SLC2A9: variants seen among roughly 807,000 people sequenced by gnomAD.
The protein encoded by SLC2A9 is solute carrier family 2 member 9, also known as solute carrier family 2, facilitated glucose transporter member 9.
A neutral mutation model predicts 50.6 loss-of-function variants in SLC2A9; 39 were observed. That is an observed-to-expected ratio of 0.77 (90% confidence interval 0.60 to 1.01). The LOEUF is 1.01. Ranked by LOEUF, SLC2A9 falls within the 50% of genes least tolerant of loss-of-function variation. The pLI, the probability that SLC2A9 is intolerant of heterozygous loss-of-function variation, is 0.00. For missense variants in SLC2A9, 686 were observed against 677.6 expected (o/e 1.01, Z -0.14); for synonymous variants, 324 against 276.9 (o/e 1.17, Z -1.69).
chr4:9,880,570 C>T, intron 10 of SLC2A9: 2 of 985,324 alleles, frequency 2.0e-6, no homozygotes, highest in Non-Finnish European at 2.4e-6. Flanking sequence ...GAAGGCTAAG[C>T]TTAGTGATTT....
chr4:9,810,547 C>T (rs758005741), intron 3 of SLC2A9, among the ~76,000 whole-genome samples: 2 of 152,214 alleles, frequency 1.3e-5, no homozygotes, highest in East Asian at 3.8e-4. Context: ...ACCTACTAGT[C>T]TCACGAGAGA....
intron 11 of SLC2A9, among the ~76,000 whole-genome samples, chr4:9,831,309 T>C (rs1354096122): frequency 6.6e-6 from 1 of 152,000 alleles, no homozygotes; most frequent in Non-Finnish European, 1.5e-5. Flanking sequence ...CCTAATCCAA[T>C]ATCCTGCTAT....
chr4:9,858,478 T>A (rs1429542612), intron 10 of SLC2A9, among the ~76,000 whole-genome samples: 1 of 152,210 alleles, frequency 6.6e-6, no homozygotes, highest in Non-Finnish European at 1.5e-5. Context: ...TTCTCCCTCA[T>A]AAAAGTCCTT....
chr4:9,905,838 G>T (rs1740563137), intron 8 of SLC2A9, among the ~76,000 whole-genome samples: 1 of 152,130 alleles, frequency 6.6e-6, no homozygotes, highest in Non-Finnish European at 1.5e-5. Context: ...GGTGTCGGTG[G>T]CAGGGACAGT....
At chr4:10,026,517 C>T (rs1763758727) in intron 1 of SLC2A9, among the ~76,000 whole-genome samples, 1 of 152,122 alleles carries the variant, frequency 6.6e-6, no homozygotes, top group Non-Finnish European at 1.5e-5. Flanking sequence ...CACATCGATG[C>T]CCAAGAGGAC....
At chr4:9,911,238 G>A (rs944838677) in intron 7 of SLC2A9, among the ~76,000 whole-genome samples, 6 of 151,988 alleles carry the variant, frequency 3.9e-5, no homozygotes, top group South Asian at 4.2e-4. Flanking sequence ...ATCCTCTCCC[G>A]CTGCCCAGGG....
intron 6 of SLC2A9, among the ~76,000 whole-genome samples, chr4:9,931,934 C>CTCTCTCAA (rs1553878803): frequency 1.9e-3 from 99 of 51,072 alleles, no homozygotes; most frequent in African/African-American, 2.5e-3. Context: ...CTCTCTCTCT[C>CTCTCTCAA]TCTCTCTCTC....
At chr4:9,826,005 G>C (rs180859433), downstream of SLC2A9, among the ~76,000 whole-genome samples, 27 of 152,250 alleles carry the variant, frequency 1.8e-4, no homozygotes, top group Non-Finnish European at 3.4e-4. Context: ...TCTCTAATCC[G>C]TTGAGTCCCC....
At chr4:9,931,851 T>C (rs1577949650) in intron 6 of SLC2A9, among the ~76,000 whole-genome samples, 1 of 147,272 alleles carries the variant, frequency 6.8e-6, no homozygotes, top group Non-Finnish European at 1.5e-5. Flanking sequence ...TCACTACCAC[T>C]TGAGTTGGTG....
At chr4:9,812,121 A>G (rs1390333240) in intron 3 of SLC2A9, among the ~76,000 whole-genome samples, 1 of 152,224 alleles carries the variant, frequency 6.6e-6, no homozygotes, top group Non-Finnish European at 1.5e-5. Flanking sequence ...GTGTTATTAC[A>G]TGCAACTCGG....
At chr4:9,984,878 C>G (rs1353103742) in intron 4 of SLC2A9, among the ~76,000 whole-genome samples, 1 of 152,206 alleles carries the variant, frequency 6.6e-6, no homozygotes, top group Non-Finnish European at 1.5e-5. Context: ...CACAGGCACA[C>G]AGTCCTCGCC....
At chr4:9,773,212 G>A (rs1473257269) in intron 1 of SLC2A9, among the ~76,000 whole-genome samples, 1 of 152,218 alleles carries the variant, frequency 6.6e-6, no homozygotes, top group East Asian at 1.9e-4. Flanking sequence ...TGGTTGAGGT[G>A]ATGTGGCTGG....
chr4:9,880,285 T>C (rs1329022345), intron 10 of SLC2A9: 2 of 985,410 alleles, frequency 2.0e-6, no homozygotes, highest in African/African-American at 3.5e-5. Flanking sequence ...CTAAAGTCAT[T>C]GCTAGCCAGC....
At chr4:9,860,591 C>G (rs146106432) in intron 10 of SLC2A9, among the ~76,000 whole-genome samples, 2 of 152,232 alleles carry the variant, frequency 1.3e-5, no homozygotes, top group African/African-American at 4.8e-5. Context: ...TCATTCATTT[C>G]GTCCCTTTAG....
chr4:9,851,907 G>A (rs1418528209), intron 10 of SLC2A9, among the ~76,000 whole-genome samples: 1 of 152,240 alleles, frequency 6.6e-6, no homozygotes, highest in African/African-American at 2.4e-5. Flanking sequence ...AAATCTCTGA[G>A]CAATATGAGA....
At position 9,834,770 on chromosome 4, in the gene SLC2A9, A is replaced by G. The variant is rs550952499; in HGVS notation, c.1419+111T>C. ...TTTCTTCCTTCCTTAGGAAAATAGC[A>G]TGAGTTTCCAGTTGAGAGGAGAGAG... is the stretch of plus-strand genomic sequence containing the variant. On this transcript the variant is annotated intron_variant, in intron 11 of 11. Coordinates refer to ENST00000264784, the MANE Select transcript of SLC2A9 (RefSeq NM_020041.3). 6.8e-5 allele frequency: 103 copies of G among 1,517,224 alleles called. No homozygotes were observed. In the African/African-American group the frequency reaches 1.4e-3, roughly 20 times the overall value. The allele number at this position is 1,517,224 out of a possible 1,614,324, so 94.0% of individuals were successfully genotyped here. A position where few individuals can be genotyped will look rare whatever the true frequency, so the allele number is the denominator to read the frequency against.
intron 2 of SLC2A9, among the ~76,000 whole-genome samples, chr4:10,018,561 TA>T (rs111405771): frequency 2.9e-4 from 14 of 48,526 alleles, no homozygotes; most frequent in East Asian, 0.011. Context: ...GATAGATAGA[TA>T]GATAGATAGA....
rs191262620 is a variant in SLC2A9 at position 10,019,362 on chromosome 4, C to T, written c.151-289G>A. 11 of 507,014 alleles carry T rather than the reference C, an allele frequency of 2.2e-5. No homozygotes were observed. The East Asian group carries it at 3.8e-4, about 17-fold the overall frequency. The allele number at this position is 507,014 out of a possible 1,614,324, so 31.4% of individuals were successfully genotyped here. ...CGCAGTTTTCAGCAGCTGCTCTGGG[C>T]AGCTCCACACGATCCTTTCAGCGAA... is the stretch of plus-strand genomic sequence containing the variant. On this transcript the variant is annotated intron_variant, in intron 1 of 11. Transcript: ENST00000264784.
intron 6 of SLC2A9, among the ~76,000 whole-genome samples, chr4:9,934,518 G>A (rs1746709043): frequency 6.6e-6 from 1 of 152,200 alleles, no homozygotes; most frequent in African/African-American, 2.4e-5. Context: ...AGAGGTCTGG[G>A]ATTGTTGCTG....
Sources: gnomAD v4.1 joint callset for allele counts (sites outside exome capture counted in the v4.1 genomes callset) on GRCh38, gnomAD v4.1.1 for gene constraint, MANE v1.5 for transcripts, NCBI Gene and HGNC (gene_info 2026-07-23, HGNC 2026-07-21) for gene names.